The following ZNF16 variants were observed in gnomAD, a reference collection of about 807,000 sequenced individuals.
ZNF16 encodes the protein zinc finger protein KOX9.
A neutral mutation model predicts 9.0 loss-of-function variants in ZNF16; 7 were observed. The ratio of observed to expected loss-of-function variants is 0.78; its 90% CI spans 0.44 to 1.47. The LOEUF (loss-of-function observed/expected upper bound fraction) is 1.47. Ranked by LOEUF, ZNF16 falls within the 40% of genes most tolerant of loss-of-function variation. The pLI, the probability that ZNF16 is intolerant of heterozygous loss-of-function variation, is 0.01. For missense variants in ZNF16, 830 were observed against 854.2 expected (o/e 0.97, Z 0.35); for synonymous variants, 312 against 301.5 (o/e 1.03, Z -0.36).
rs1833495529 is a variant in ZNF16 at position 144,930,465 on chromosome 8, A to G, written c.*273T>C. The stretch of plus-strand genomic sequence containing the variant: ...CTCTATTCATGAATATGCAGCCTCC[A>G]TAATCTTCTCCCTTGTAACAAACGT... On this transcript the variant is annotated 3_prime_UTR_variant, in exon 3 of 3. Transcript: ENST00000394909. 1 of 395,480 alleles carries G rather than the reference A, an allele frequency of 2.5e-6. No homozygotes were observed. The highest frequency in any genetic ancestry group is 4.5e-6 in the Non-Finnish European group (1 of 222,184). The allele number at this position is 395,480 out of a possible 1,614,324, so 24.5% of individuals were successfully genotyped here. A position where few individuals can be genotyped will look rare whatever the true frequency, so the allele number is the denominator to read the frequency against.
rs766225272 is a variant in ZNF16, at chr8:144,931,032, G to A, written c.1755C>T (p.Ser585=). ...CTTTCTGGTGGTGAATGAGATTTGA[G>A]CTTCGGTTGAAGGCTTTACCACACT... ...CNQCGKAFNR[S]SNLIHHQKVH... The change falls in exon 3 of 3, where the codon AGC becomes AGT. Residue 585 remains serine, a synonymous_variant. Coordinates refer to ENST00000394909, the MANE Select transcript of ZNF16 (RefSeq NM_006958.3). 2 of 1,614,196 alleles carry A rather than the reference G, an allele frequency of 1.2e-6. No homozygotes were observed. Among genetic ancestry groups the A allele is most frequent in the Admixed American group, 1.7e-5 (1 of 60,016 alleles).
intron 2 of ZNF16, among the ~76,000 whole-genome samples, chr8:144,941,830 T>TC (rs1310225580): frequency 6.6e-6 from 1 of 151,122 alleles, no homozygotes; most frequent in Non-Finnish European, 1.5e-5. Flanking sequence ...GGCTAATTTT[T>TC]TGTATTTTTA....
intron 2 of ZNF16, among the ~76,000 whole-genome samples, chr8:144,938,687 C>T (rs1563921797): frequency 6.6e-6 from 1 of 152,198 alleles, no homozygotes; most frequent in African/African-American, 2.4e-5. Flanking sequence ...TACGGATTCA[C>T]ATCTTATGGA....
In ZNF16 at chr8:144,932,421, T is replaced by C; in HGVS notation, c.366A>G (p.Glu122=). 1 of 1,614,216 alleles carries C rather than the reference T, an allele frequency of 6.2e-7. No individual in the cohort carries two copies. The highest frequency in any genetic ancestry group is 2.2e-5 in the East Asian group (1 of 44,880). ...DVSERDWGVP[E]GRRLPQSLSQ... is the part of the protein sequence containing the mutation. ...AGAGGGACTGTGGCAGCCTCCTGCC[T>C]TCGGGGACTCCCCAGTCTCTTTCTG... Residue 122 remains glutamate (E), a synonymous_variant, in exon 3 of 3, where the codon GAA becomes GAG. Coordinates refer to ENST00000394909, the MANE Select transcript of ZNF16 (RefSeq NM_006958.3). This position sits in a 1 kb window ranked among gnomAD's most constrained non-coding sequence, Gnocchi z 5.0.
chr8:144,938,612 C>A (rs890535519), intron 2 of ZNF16, among the ~76,000 whole-genome samples: 3 of 152,206 alleles, frequency 2.0e-5, no homozygotes, highest in Non-Finnish European at 4.4e-5. Context: ...TCAGTTGCTG[C>A]AACTTTGCTG....
intron 2 of ZNF16, among the ~76,000 whole-genome samples, chr8:144,936,176 G>A (rs370104172): frequency 6.6e-6 from 1 of 152,170 alleles, no homozygotes; most frequent in East Asian, 1.9e-4. Flanking sequence ...GAATTATATA[G>A]TATGTGACCT....
rs1381034327 is a variant in ZNF16, at chr8:144,932,455, T to C, written c.332A>G (p.Asp111Gly). 2 of 1,614,092 alleles carry C rather than the reference T, an allele frequency of 1.2e-6. No homozygotes were observed. Among genetic ancestry groups the C allele is most frequent in the East Asian group, 2.2e-5 (1 of 44,892 alleles). Residue 111 changes from aspartate to glycine, a missense_variant, in exon 3 of 3, where the codon GAT (aspartate) becomes GGT (glycine). Physicochemically the swap from Asp to Gly is moderately conservative, Grantham distance 94 (BLOSUM62 -1). Coordinates refer to ENST00000394909, the MANE Select transcript of ZNF16 (RefSeq NM_006958.3). The surrounding 1 kb of genome is among the most constrained non-coding windows in gnomAD (Gnocchi z 5.0). ...SQVPELGDLC[D>G]DVSERDWGVP... Reference sequence around the variant, plus strand: ...TCCCCAGTCTCTTTCTGATACATCATCACACAGATCTCCAAGCTCGGGTAC... The same window carrying C: ...TCCCCAGTCTCTTTCTGATACATCACCACACAGATCTCCAAGCTCGGGTAC...
chr8:144,931,918 T>C lies in ZNF16; in HGVS notation c.869A>G (p.Glu290Gly), dbSNP rs1041405952. The C allele has an allele frequency of 6.2e-7, 1 of 1,613,454 alleles. No individual in the cohort carries two copies. The highest frequency in any genetic ancestry group is 1.3e-5 in the African/African-American group (1 of 74,918). The change falls in exon 3 of 3, where the codon GAG becomes GGG. Residue 290 changes from glutamate to glycine, a missense_variant. Coordinates refer to ENST00000394909, the MANE Select transcript of ZNF16 (RefSeq NM_006958.3). ...ACATTCATTACACATATAAGGCCTCTCACTGCTGTGGTGACTCTGATGCCT... is the reference window on the plus strand; with the variant it reads ...ACATTCATTACACATATAAGGCCTCCCACTGCTGTGGTGACTCTGATGCCT... ...FSRHQSHHSS[E>G]RPYMCNECGK...
rs145120548 is a variant in ZNF16 at position 144,930,908 on chromosome 8, G to A, written c.1879C>T (p.Arg627Cys). ...IQHQIIHTGERPYKCSECGKA... is the reference protein window; with the variant it reads ...IQHQIIHTGECPYKCSECGKA... ...CCACACTCACTGCATTTGTAGGGGCGCTCGCCCGTGTGGATTATCTGATGC... is the reference window on the plus strand; with the variant it reads ...CCACACTCACTGCATTTGTAGGGGCACTCGCCCGTGTGGATTATCTGATGC... The change falls in exon 3 of 3, where the codon CGC becomes TGC. Residue 627 changes from arginine (R) to cysteine (C), a missense_variant. By Grantham distance (180) the Arg-to-Cys change is radical. Transcript: ENST00000394909. The A allele has an allele frequency of 8.3e-5, 133 of 1,608,672 alleles. 1 individual carries two copies. The highest frequency in any genetic ancestry group is 9.3e-5 in the Non-Finnish European group (110 of 1,177,410).
rs1833599650 is a variant in ZNF16, at chr8:144,933,184, C to T, written c.197-594G>A. ...ACCCCGTTGTACACAGAGAAGAAAC[C>T]CAGCTGGCTCTCAGGGCCTGGCAAG... On this transcript the variant is annotated intron_variant, in intron 2 of 2. Coordinates refer to ENST00000394909, the MANE Select transcript of ZNF16 (RefSeq NM_006958.3). The surrounding 1 kb of genome is among the most constrained non-coding windows in gnomAD (Gnocchi z 5.6). 6.6e-6 allele frequency among the ~76,000 whole-genome samples: 1 copy of T among 152,126 alleles called. No individual in the cohort carries two copies. Among genetic ancestry groups the T allele is most frequent in the Admixed American group, 6.5e-5 (1 of 15,276 alleles).
In ZNF16 at chr8:144,930,810, A is replaced by G. The variant is rs1394885881; in HGVS notation, c.1977T>C (p.Cys659=). Reference sequence around the variant, plus strand: ...GGCTGAAGGCTTTCCCACAAGCAGCACAGTCATAGGGCTTCACCCCAGTGT... The same window carrying G: ...GGCTGAAGGCTTTCCCACAAGCAGCGCAGTCATAGGGCTTCACCCCAGTGT... ...RIHTGVKPYD[C]AACGKAFSQR... is the part of the protein sequence containing the mutation. The change falls in exon 3 of 3, where the codon TGT becomes TGC. Residue 659 remains cysteine, a synonymous_variant. Transcript: ENST00000394909. 1.3e-6 allele frequency: 2 copies of G among 1,561,468 alleles called. No homozygotes were observed. Among genetic ancestry groups the G allele is most frequent in the Admixed American group, 3.9e-5 (2 of 51,418 alleles).
rs2130002191 is a variant in ZNF16 at position 144,933,072 on chromosome 8, T to TGTGA, written c.197-486_197-483dup. 6.6e-6 allele frequency among the ~76,000 whole-genome samples: 1 copy of TGTGA among 152,350 alleles called. No homozygotes were observed. The highest frequency in any genetic ancestry group is 2.1e-4 in the South Asian group (1 of 4,828). ...CCTTTTTTCTGTCCACACTGCCAGG[T>TGTGA]GTGAGCCTTACCAGCCTATCTCCAG... On this transcript the variant is annotated intron_variant, in intron 2 of 2. Coordinates refer to ENST00000394909, the MANE Select transcript of ZNF16 (RefSeq NM_006958.3). This position sits in a 1 kb window ranked among gnomAD's most constrained non-coding sequence, Gnocchi z 5.6.
In ZNF16 at chr8:144,931,093, C is replaced by T. The variant is rs768241698; in HGVS notation, c.1694G>A (p.Arg565Lys). The stretch of plus-strand genomic sequence containing the variant: ...ATGGGGCTTCAGCCCATTATGAATC[C>T]TCTGATGCTGAATGAGGGTTGAGCT... ...SQSSTLIQHQRIHNGLKPHEC... is the reference protein window; with the variant it reads ...SQSSTLIQHQKIHNGLKPHEC... The change falls in exon 3 of 3, where the codon AGG becomes AAG. Residue 565 changes from arginine (R) to lysine (K), a missense_variant. Coordinates refer to ENST00000394909, the MANE Select transcript of ZNF16 (RefSeq NM_006958.3). 1 of 1,614,150 alleles carries T rather than the reference C, an allele frequency of 6.2e-7. No homozygotes were observed. The highest frequency in any genetic ancestry group is 1.1e-5 in the South Asian group (1 of 91,088).
intron 2 of ZNF16, among the ~76,000 whole-genome samples, chr8:144,940,943 G>A (rs1333671024): frequency 6.6e-6 from 1 of 152,106 alleles, no homozygotes; most frequent in Non-Finnish European, 1.5e-5. Flanking sequence ...CATTCACAGG[G>A]CTCTGCTCTC....
intron 2 of ZNF16, among the ~76,000 whole-genome samples, chr8:144,936,716 CTTATTTATTTAT>C (rs61163374): frequency 6.6e-5 from 10 of 151,146 alleles, no homozygotes; most frequent in East Asian, 3.9e-4. Flanking sequence ...TTCTTTGCCC[CTTATTTATTTAT>C]TTATTTATTT....
chr8:144,946,257 A>G, intron 1 of ZNF16, 42 bp from the exon 2 acceptor site: 3 of 1,437,358 alleles, frequency 2.1e-6, no homozygotes, highest in African/African-American at 2.8e-5. Flanking sequence ...CAGACAGGCT[A>G]GCTCTAGGGA....
intron 1 of ZNF16, among the ~76,000 whole-genome samples, chr8:144,948,715 T>C (rs1028487982): frequency 7.3e-5 from 11 of 151,240 alleles, no homozygotes; most frequent in African/African-American, 2.7e-4. Flanking sequence ...TGTTTGCCTT[T>C]TAATGATAAA....
In ZNF16 at chr8:144,933,130, G is replaced by A. The variant is rs966300638; in HGVS notation, c.197-540C>T. ...AGTGCATGCTAATGGCACTGAGCTT[G>A]GTCTTAGGAGTCACTAGTGTGGAGA... On this transcript the variant is annotated intron_variant, in intron 2 of 2. Coordinates refer to ENST00000394909, the MANE Select transcript of ZNF16 (RefSeq NM_006958.3). This position sits in a 1 kb window ranked among gnomAD's most constrained non-coding sequence, Gnocchi z 5.6. 6.6e-6 allele frequency among the ~76,000 whole-genome samples: 1 copy of A among 152,154 alleles called. No individual in the cohort carries two copies. The highest frequency in any genetic ancestry group is 1.5e-5 in the Non-Finnish European group (1 of 68,018).
intron 2 of ZNF16, among the ~76,000 whole-genome samples, chr8:144,941,061 A>G (rs1311733331): frequency 6.6e-6 from 1 of 152,194 alleles, no homozygotes; most frequent in Non-Finnish European, 1.5e-5. Context: ...CATTTAGACC[A>G]CAGTGATGGT....
Sources: gnomAD v4.1 joint callset for allele counts (sites outside exome capture counted in the v4.1 genomes callset) on GRCh38, gnomAD v4.1.1 for gene constraint, Gnocchi (gnomAD v3.1) non-coding constraint, MANE v1.5 for transcripts, NCBI Gene and HGNC (gene_info 2026-07-23, HGNC 2026-07-21) for gene names.